CCDC102B: variants seen among roughly 807,000 people sequenced by gnomAD.
CCDC102B encodes coiled-coil domain containing 102B.
In CCDC102B, 75 loss-of-function variants were observed where a neutral mutation model predicts 57.4. The ratio of observed to expected loss-of-function variants is 1.31; its 90% CI spans 1.08 to 1.58. The LOEUF is 1.58. Among genes scored for constraint, CCDC102B ranks in the 40% most tolerant of loss-of-function variants. The pLI is 0.00. For synonymous variants in CCDC102B, 206 were observed against 201.9 expected, an observed-to-expected ratio of 1.02 and a Z score of -0.17; for missense variants, 636 against 582.6, an observed-to-expected ratio of 1.09 and a Z score of -0.94.
intron 6 of CCDC102B, chr18:68,993,002 G>A (rs994186586): frequency 5.0e-5 from 8 of 158,708 alleles, no homozygotes; most frequent in Middle Eastern, 1.2e-3. Context: ...GAGCAAACTC[G>A]AAAATGTGAC....
intron 6 of CCDC102B, among the ~76,000 whole-genome samples, chr18:68,912,446 C>A (rs2040908109): frequency 6.6e-6 from 1 of 152,206 alleles, no homozygotes; most frequent in African/African-American, 2.4e-5. Context: ...AATTATCAGG[C>A]CCCATCCTAG....
At chr18:68,812,978 A>T (rs2036326610) in intron 1 of CCDC102B, among the ~76,000 whole-genome samples, 1 of 151,870 alleles carries the variant, frequency 6.6e-6, no homozygotes, top group Admixed American at 6.6e-5. Flanking sequence ...GAGGTCGGGG[A>T]GAGAAGGGGA....
At position 69,002,709 on chromosome 18, in the gene CCDC102B, C is replaced by T. The variant is rs916539269; in HGVS notation, c.1264-8225C>T. On this transcript the variant is annotated intron_variant, in intron 6 of 7. Transcript: ENST00000360242. ...ACTAGTTCTCTATTAAGGTCATTAT[C>T]TCTTTAAGTGAGATGAAAGTGATTT... Among the ~76,000 whole-genome samples, 5 of 152,004 alleles carry T rather than the reference C, an allele frequency of 3.3e-5. No individual in the cohort carries two copies. In the South Asian group the frequency reaches 8.3e-4, roughly 25 times the overall value.
intron 6 of CCDC102B, among the ~76,000 whole-genome samples, chr18:68,934,179 A>T (rs1276148663): frequency 1.3e-5 from 2 of 151,942 alleles, no homozygotes; most frequent in African/African-American, 2.4e-5. Context: ...GTAGCAAATA[A>T]TTTGGGAAAT....
chr18:68,936,746 CATATAT>C (rs147923317), intron 6 of CCDC102B, among the ~76,000 whole-genome samples: 1 of 148,856 alleles, frequency 6.7e-6, no homozygotes, highest in Non-Finnish European at 1.5e-5. Flanking sequence ...GGACAACTTT[CATATAT>C]ATATATATAT....
chr18:68,861,020 A>G (rs1273145660), intron 4 of CCDC102B, among the ~76,000 whole-genome samples: 6 of 148,436 alleles, frequency 4.0e-5, no homozygotes, highest in African/African-American at 1.2e-4. Context: ...TTGAATTTCA[A>G]CTCTGTCACT....
chr18:69,043,684 T>C (rs1007402008), intron 7 of CCDC102B, among the ~76,000 whole-genome samples: 2 of 151,954 alleles, frequency 1.3e-5, no homozygotes, highest in African/African-American at 2.4e-5. Flanking sequence ...GAGCACAGGG[T>C]TGGGGGTAAG....
At chr18:68,890,471 C>A (rs569150242) in intron 5 of CCDC102B, among the ~76,000 whole-genome samples, 3 of 152,164 alleles carry the variant, frequency 2.0e-5, no homozygotes, top group African/African-American at 7.2e-5. Flanking sequence ...GTGGTCCACT[C>A]GGTTGGGCCT....
intron 5 of CCDC102B, among the ~76,000 whole-genome samples, chr18:68,883,195 TG>T (rs1170530877): frequency 6.6e-6 from 1 of 151,742 alleles, no homozygotes; most frequent in Non-Finnish European, 1.5e-5. Context: ...CTGAGGCGGA[TG>T]GATCATGAGG....
intron 2 of CCDC102B, chr18:68,721,494 T>G (rs946915461): frequency 3.3e-5 from 5 of 152,162 alleles, no homozygotes; most frequent in African/African-American, 4.8e-5. Flanking sequence ...GAATCTGGCT[T>G]CTTTCACTCA....
At chr18:68,836,081 A>G (rs932167476) in intron 1 of CCDC102B, among the ~76,000 whole-genome samples, 1 of 152,192 alleles carries the variant, frequency 6.6e-6, no homozygotes, top group African/African-American at 2.4e-5. Context: ...GGATAAAGAA[A>G]ACCATTATGT....
At chr18:68,737,224 T>C (rs1439946381) in intron 2 of CCDC102B, among the ~76,000 whole-genome samples, 1 of 152,122 alleles carries the variant, frequency 6.6e-6, no homozygotes, top group Non-Finnish European at 1.5e-5. Flanking sequence ...CAAAGTATTC[T>C]TGACAGTCCC....
Position 68,810,684 on chromosome 18 carries a change from T to G in CCDC102B, c.-16+12503T>G, listed in dbSNP as rs28563957. 7.2e-3 allele frequency among the ~76,000 whole-genome samples: 250 copies of G among 34,924 alleles called. 3 individuals carry two copies. The East Asian group carries it at 0.1, about 14-fold the overall frequency. The allele number at this position is 34,924 out of a possible 152,430, so 22.9% of individuals were successfully genotyped here. ...AAATTTTCTTTTCTTTTCTTTGTTT[T>G]TTTTTTTTTTTTTTTTTTTTTTTAT... On this transcript the variant is annotated intron_variant, in intron 1 of 7. Coordinates refer to ENST00000360242, the MANE Select transcript of CCDC102B (RefSeq NM_024781.3).
chr18:68,751,787 G>T (rs765013791), intron 2 of CCDC102B, among the ~76,000 whole-genome samples: 36 of 152,078 alleles, frequency 2.4e-4, no homozygotes, highest in Non-Finnish European at 4.3e-4. Flanking sequence ...AGAAAGATGG[G>T]AAAAAGGCAA....
rs180847944 is a variant in CCDC102B at position 68,957,445 on chromosome 18, A to G, written c.1264-53489A>G. 6.0e-5 allele frequency among the ~76,000 whole-genome samples: 9 copies of G among 151,000 alleles called. No homozygotes were observed. In the East Asian group the frequency reaches 1.6e-3, roughly 26 times the overall value. ...TTTAGAGGTATAGATTTATTTCTGGATTATCTAATTTGTTCCATTGGTTTG... is the reference window on the plus strand; with the variant it reads ...TTTAGAGGTATAGATTTATTTCTGGGTTATCTAATTTGTTCCATTGGTTTG... On this transcript the variant is annotated intron_variant, in intron 6 of 7. Transcript: ENST00000360242.
chr18:68,904,136 T>C (rs968862248), intron 6 of CCDC102B, among the ~76,000 whole-genome samples: 14 of 152,112 alleles, frequency 9.2e-5, no homozygotes, highest in Admixed American at 1.3e-4. Flanking sequence ...GAAATTATTA[T>C]AGATAACATT....
intron 2 of CCDC102B, among the ~76,000 whole-genome samples, chr18:68,756,411 A>G (rs1050526707): frequency 1.3e-5 from 2 of 152,214 alleles, no homozygotes; most frequent in Admixed American, 6.5e-5. Context: ...AAGAGATTCA[A>G]TAACTCTGTA....
chr18:69,005,634 G>T (rs778806481), intron 6 of CCDC102B, among the ~76,000 whole-genome samples: 8 of 151,654 alleles, frequency 5.3e-5, no homozygotes, highest in Non-Finnish European at 7.4e-5. Flanking sequence ...TTCAGTAGTT[G>T]ATGTATCATA....
At chr18:68,737,918 C>T (rs1364696054) in intron 2 of CCDC102B, among the ~76,000 whole-genome samples, 1 of 152,066 alleles carries the variant, frequency 6.6e-6, no homozygotes, top group Non-Finnish European at 1.5e-5. Flanking sequence ...TATATTTGTG[C>T]ACATTGGAAG....
Sources: gnomAD v4.1 joint callset for allele counts (sites outside exome capture counted in the v4.1 genomes callset) on GRCh38, gnomAD v4.1.1 for gene constraint, MANE v1.5 for transcripts, NCBI Gene and HGNC (gene_info 2026-07-23, HGNC 2026-07-21) for gene names.